UGT2B4: variants seen among roughly 807,000 people sequenced by gnomAD.
The protein encoded by UGT2B4 is UDP-glucuronosyltransferase 2B4.
UGT2B4 carries 49 observed loss-of-function variants against 49.8 expected under a neutral mutation model. The ratio of observed to expected loss-of-function variants is 0.98; its 90% CI spans 0.78 to 1.25. The LOEUF (loss-of-function observed/expected upper bound fraction) is 1.25, where lower values mean the gene tolerates loss of function less well. UGT2B4 is among the 50% of genes most tolerant of loss of function. UGT2B4 has a pLI of 0.00. For synonymous variants in UGT2B4, 246 were observed against 217.7 expected (o/e 1.13, Z -1.14); for missense variants, 729 against 627.7 (o/e 1.16, Z -1.73).
chr4:69,503,411 A>C (rs1728392454), intron 1 of UGT2B4, among the ~76,000 whole-genome samples: 1 of 152,154 alleles, frequency 6.6e-6, no homozygotes, highest in Non-Finnish European at 1.5e-5. Flanking sequence ...GTCCACAGCA[A>C]CTTCCCATGC....
Position 69,493,764 on chromosome 4 carries a change from G to A in UGT2B4, c.799C>T (p.Pro267Ser). Residue 267 changes from proline (P) to serine (S), a missense_variant, in exon 2 of 6, where the codon CCT becomes TCT. Pro to Ser is a moderately conservative substitution (Grantham distance 74, BLOSUM62 -1). Transcript: ENST00000305107. ...TCAACATTTGGTAAGAGTGGGTGAG[G>A]AAATTGAAAATCCCAGTAGTTTCGA... ...LIRNYWDFQF[P>S]HPLLPNVEFV... The A allele has an allele frequency of 6.2e-7, 1 of 1,612,018 alleles. No homozygotes were observed. Among genetic ancestry groups the A allele is most frequent in the Non-Finnish European group, 8.5e-7 (1 of 1,179,072 alleles).
At chr4:69,517,380 T>C (rs1243589443) in intron 1 of UGT2B4, among the ~76,000 whole-genome samples, 1 of 152,168 alleles carries the variant, frequency 6.6e-6, no homozygotes, top group African/African-American at 2.4e-5. Flanking sequence ...AGAAATGGAA[T>C]AAAATTGAGA....
At chr4:69,501,681 T>C (rs4694749) in intron 1 of UGT2B4, among the ~76,000 whole-genome samples, 89,306 of 151,858 alleles carry the variant, frequency 0.59, 26,979 homozygotes, top group East Asian at 0.75. Flanking sequence ...GACAGAGTTT[T>C]CAGGTATAGG....
intron 1 of UGT2B4, among the ~76,000 whole-genome samples, chr4:69,522,924 C>T (rs1728880919): frequency 6.6e-6 from 1 of 152,140 alleles, no homozygotes; most frequent in South Asian, 2.1e-4. Flanking sequence ...ACCATTTTCA[C>T]CAGGAGCAAA....
At chr4:69,510,982 C>CTTTTTTTTTTT (rs1259714505) in intron 1 of UGT2B4, among the ~76,000 whole-genome samples, 36 of 110,934 alleles carry the variant, frequency 3.2e-4, no homozygotes, top group South Asian at 6.3e-4. Flanking sequence ...TCTTTCTTTT[C>CTTTTTTTTTTT]TTTTCTTCTT....
rs543928983 is a variant in UGT2B4 at position 69,487,068 on chromosome 4, A to T, written c.1003-372T>A. On this transcript the variant is annotated intron_variant, in intron 3 of 5. Coordinates refer to ENST00000305107, the MANE Select transcript of UGT2B4 (RefSeq NM_021139.3). ...CACACCAGTCAGAATGGCCATTATT[A>T]AAAACTCAAAAAATAACAGATGCTT... Among the ~76,000 whole-genome samples, 8 of 152,338 alleles carry T rather than the reference A, an allele frequency of 5.3e-5. No homozygotes were observed. In the South Asian group the frequency reaches 1.7e-3, roughly 32 times the overall value.
intron 2 of UGT2B4, among the ~76,000 whole-genome samples, chr4:69,492,810 C>A (rs1033894696): frequency 2.6e-5 from 4 of 152,078 alleles, no homozygotes; most frequent in Non-Finnish European, 5.9e-5. Context: ...ATAGGTAATT[C>A]TATCCACTTT....
chr4:69,510,400 A>G (rs1047699092), intron 1 of UGT2B4, among the ~76,000 whole-genome samples: 8 of 152,290 alleles, frequency 5.3e-5, no homozygotes, highest in South Asian at 4.1e-4. Context: ...TTTATAAAAA[A>G]TGTCATGGGT....
Position 69,495,186 on chromosome 4 carries a change from T to C in UGT2B4, c.676A>G (p.Ile226Val). 1.9e-6 allele frequency: 3 copies of C among 1,584,300 alleles called. No individual in the cohort carries two copies. The highest frequency in any genetic ancestry group is 1.7e-6 in the Non-Finnish European group (2 of 1,169,420). ...TGATCCCACTTCTTCATGTCAAATATTTGGAACCAAAATTCAAAATAAAGC... is the reference window on the plus strand; with the variant it reads ...TGATCCCACTTCTTCATGTCAAATACTTGGAACCAAAATTCAAAATAAAGC... Reference protein sequence around the residue: ...YVLYFEFWFQIFDMKKWDQFY... With the variant: ...YVLYFEFWFQVFDMKKWDQFY... The change falls in exon 1 of 6, where the codon ATA (isoleucine) becomes GTA (valine). Residue 226 changes from isoleucine to valine, a missense_variant. Ile to Val is a conservative substitution (Grantham distance 29). Transcript: ENST00000305107.
chr4:69,509,333 T>C (rs889502751), intron 1 of UGT2B4, among the ~76,000 whole-genome samples: 1 of 152,008 alleles, frequency 6.6e-6, no homozygotes, highest in Non-Finnish European at 1.5e-5. Flanking sequence ...CCCTACCGCC[T>C]GTCTAATTTT....
chr4:69,488,745 A>G (rs1038818280), intron 3 of UGT2B4, among the ~76,000 whole-genome samples: 1 of 151,904 alleles, frequency 6.6e-6, no homozygotes, highest in African/African-American at 2.4e-5. Context: ...CCACCCTCAG[A>G]GCAGGATCCA....
At chr4:69,502,087 CT>C (rs1728334370) in intron 1 of UGT2B4, among the ~76,000 whole-genome samples, 14 of 38,336 alleles carry the variant, frequency 3.7e-4, no homozygotes, top group Non-Finnish European at 6.1e-4. Context: ...TTCTTTCTTT[CT>C]CTCTCTTTCT....
In UGT2B4 at chr4:69,495,387, G is replaced by A. The variant is rs1190605005; in HGVS notation, c.475C>T (p.Leu159=). 6.2e-7 allele frequency: 1 copy of A among 1,614,018 alleles called. No homozygotes were observed. The highest frequency in any genetic ancestry group is 1.3e-5 in the African/African-American group (1 of 75,046). The change falls in exon 1 of 6, where the codon CTG becomes TTG. Residue 159 remains leucine, a synonymous_variant. Coordinates refer to ENST00000305107, the MANE Select transcript of UGT2B4 (RefSeq NM_021139.3). The stretch of plus-strand genomic sequence containing the variant: ...GGTATTTTAAGTAACTCGGCCAGCA[G>A]CTCACCAAAGGGGAAAACAGCATCT... ...LADAVFPFGE[L]LAELLKIPFV...
At chr4:69,507,313 T>A (rs1379761333) in intron 1 of UGT2B4, among the ~76,000 whole-genome samples, 1 of 152,144 alleles carries the variant, frequency 6.6e-6, no homozygotes, top group Non-Finnish European at 1.5e-5. Flanking sequence ...TAATCCTATA[T>A]CTAGAAAACT....
At chr4:69,502,896 A>G (rs1728378128) in intron 1 of UGT2B4, among the ~76,000 whole-genome samples, 1 of 152,076 alleles carries the variant, frequency 6.6e-6, no homozygotes, top group South Asian at 2.1e-4. Flanking sequence ...TAGTCACAAA[A>G]CAGGGAACCC....
At chr4:69,499,664 T>C (rs557223319), upstream of UGT2B4, among the ~76,000 whole-genome samples, 346 of 152,324 alleles carry the variant, frequency 2.3e-3, 1 homozygote, top group African/African-American at 8.1e-3. Flanking sequence ...GTCTCTTTTG[T>C]CAGAAATTAG....
chr4:69,495,914 T>C, upstream of UGT2B4: 1 of 1,535,704 alleles, frequency 6.5e-7, no homozygotes, highest in South Asian at 1.3e-5. Flanking sequence ...CTGTCATTTC[T>C]CATGGTGACA....
chr4:69,505,416 A>G (rs188384495), intron 1 of UGT2B4, among the ~76,000 whole-genome samples: 3 of 152,284 alleles, frequency 2.0e-5, no homozygotes, highest in Admixed American at 2.0e-4. Context: ...AAAACCATAT[A>G]TTTCAATCCT....
At chr4:69,507,714 T>C (rs1044710998) in intron 1 of UGT2B4, among the ~76,000 whole-genome samples, 18 of 152,158 alleles carry the variant, frequency 1.2e-4, no homozygotes, top group Non-Finnish European at 2.4e-4. Context: ...CAACTCAAGA[T>C]GGATTAAAGA....
Sources: gnomAD v4.1 joint callset for allele counts (sites outside exome capture counted in the v4.1 genomes callset) on GRCh38, gnomAD v4.1.1 for gene constraint, MANE v1.5 for transcripts, NCBI Gene and HGNC (gene_info 2026-07-23, HGNC 2026-07-21) for gene names.